Variants in SCN2A observed in about 807,000 individuals in gnomAD.
SCN2A encodes the protein sodium channel protein type 2 subunit alpha.
In SCN2A, 20 loss-of-function variants were observed where a neutral mutation model predicts 188.7. The observed-to-expected ratio is 0.11, with a 90% CI of 0.07 to 0.15. The LOEUF (loss-of-function observed/expected upper bound fraction) is 0.15, where lower values mean the gene tolerates loss of function less well. SCN2A is among the 10% of genes least tolerant of loss of function. The pLI, the probability that SCN2A is intolerant of heterozygous loss-of-function variation, is 1.00. For missense variants in SCN2A, 1,278 were observed against 2,445.0 expected (o/e 0.52, Z 10.07); for synonymous variants, 804 against 833.1 (o/e 0.97, Z 0.60).
rs1469322698 is a variant in SCN2A at position 165,388,829 on chromosome 2, G to A, written c.5023G>A (p.Ala1675Thr). 1.9e-6 allele frequency: 3 copies of A among 1,613,846 alleles called. No individual in the cohort carries two copies. The highest frequency in any genetic ancestry group is 2.7e-5 in the African/African-American group (2 of 74,860). ...LLLFLVMFIY[A>T]IFGMSNFAYV... is the part of the protein sequence containing the mutation. ...TCTTTTCCTGGTCATGTTCATCTAC[G>A]CCATCTTTGGGATGTCCAATTTTGC... The change falls in exon 27 of 27, where the codon GCC becomes ACC. Residue 1675 changes from alanine (A) to threonine (T), a missense_variant. Transcript: ENST00000375437.
At chr2:165,387,576 A>G (rs936880488) in intron 26 of SCN2A, among the ~76,000 whole-genome samples, 4 of 152,172 alleles carry the variant, frequency 2.6e-5, no homozygotes, top group South Asian at 4.1e-4. Context: ...CAGATTTGTT[A>G]TCATCAATGA....
intron 16 of SCN2A, among the ~76,000 whole-genome samples, chr2:165,349,900 G>C (rs1190425447): frequency 2.6e-5 from 4 of 152,162 alleles, no homozygotes; most frequent in African/African-American, 4.8e-5. Context: ...AAATGGGAAA[G>C]GTGTCCCAAA....
chr2:165,274,920 C>G (rs1357373741), intron 1 of SCN2A, among the ~76,000 whole-genome samples: 23 of 152,146 alleles, frequency 1.5e-4, no homozygotes, highest in Admixed American at 1.5e-3. Context: ...AGAGAGCTCC[C>G]CTTTATTTCT....
chr2:165,328,218 A>C (rs572157074), intron 13 of SCN2A: 1 of 152,714 alleles, frequency 6.5e-6, no homozygotes, highest in Admixed American at 6.5e-5. Flanking sequence ...ACGACTGTGT[A>C]CATCACAGAC....
intron 11 of SCN2A, among the ~76,000 whole-genome samples, chr2:165,322,041 C>G (rs1054098789): frequency 3.3e-5 from 5 of 152,100 alleles, no homozygotes; most frequent in Non-Finnish European, 7.4e-5. Flanking sequence ...CTGTGAGTAG[C>G]TTTAGGCATG....
In SCN2A at chr2:165,308,548, C is replaced by T. The variant is rs144905016; in HGVS notation, c.477-118C>T. The T allele has an allele frequency of 2.0e-3, 2,020 of 1,011,770 alleles. 8 individuals are homozygous for T. The highest frequency in any genetic ancestry group is 2.8e-3 in the Non-Finnish European group (1,827 of 656,056). The allele number at this position is 1,011,770 out of a possible 1,614,324, so 62.7% of individuals were successfully genotyped here. On this transcript the variant is annotated intron_variant, in intron 4 of 26. Transcript: ENST00000375437. ...CTTAAGCCCCACCTAAACTCTATAT[C>T]GTAGGGGGACCAACCTGGAAGTGTC...
intron 25 of SCN2A, among the ~76,000 whole-genome samples, chr2:165,383,661 A>T (rs73969395): frequency 6.6e-6 from 1 of 152,166 alleles, no homozygotes; most frequent in Non-Finnish European, 1.5e-5. Flanking sequence ...CCTGAACCAT[A>T]GCAATGTGCA....
chr2:165,368,268 A>G (rs1210189718), intron 19 of SCN2A, among the ~76,000 whole-genome samples: 7 of 152,014 alleles, frequency 4.6e-5, no homozygotes, highest in Non-Finnish European at 8.8e-5. Flanking sequence ...CTAATGTCCA[A>G]CTGTAGTCTC....
chr2:165,380,546 G>A (rs759464207), intron 23 of SCN2A, 46 bp from the exon 24 acceptor site: 2 of 1,417,860 alleles, frequency 1.4e-6, no homozygotes, highest in Non-Finnish European at 2.0e-6. Context: ...TACTTTTTGT[G>A]AAACAAGTAC....
At chr2:165,248,951 A>G (rs944894024) in intron 1 of SCN2A, among the ~76,000 whole-genome samples, 2 of 152,124 alleles carry the variant, frequency 1.3e-5, no homozygotes, top group Non-Finnish European at 1.5e-5. Flanking sequence ...CTGATTTTTC[A>G]TTCAGTATTT....
rs79139119 is a variant in SCN2A, at chr2:165,247,180, C to A, written c.-52+7540C>A. Among the ~76,000 whole-genome samples the A allele has an allele frequency of 9.6e-3, 1,466 of 152,258 alleles. 22 individuals carry two copies. Among genetic ancestry groups the A allele is most frequent in the African/African-American group, 0.033 (1,382 of 41,542 alleles). On this transcript the variant is annotated intron_variant, in intron 1 of 26. Transcript: ENST00000375437. ...AGGGCATCTCTAGAGCATTTTATTT[C>A]TCTGTCTCTCCTGCATTAGTAATTT...
intron 20 of SCN2A, 92 bp from the exon 21 acceptor site, chr2:165,373,133 C>G (rs142658371): frequency 7.2e-7 from 1 of 1,387,104 alleles, no homozygotes; most frequent in East Asian, 2.3e-5. Flanking sequence ...CATGAAAGTT[C>G]GAGAATTACT....
At chr2:165,307,359 T>C (rs1466196203) in intron 3 of SCN2A, among the ~76,000 whole-genome samples, 1 of 152,096 alleles carries the variant, frequency 6.6e-6, no homozygotes, top group Non-Finnish European at 1.5e-5. Flanking sequence ...TAGTTCAGGA[T>C]TTTATGAGCA....
At chr2:165,335,875 T>C (rs1164753367) in intron 14 of SCN2A, among the ~76,000 whole-genome samples, 6 of 151,814 alleles carry the variant, frequency 4.0e-5, no homozygotes, top group Non-Finnish European at 8.9e-5. Flanking sequence ...CTAATATATG[T>C]AAAGGATTAT....
chr2:165,307,724 T>A, intron 3 of SCN2A, 124 bp from the exon 4 acceptor site: 1 of 754,176 alleles, frequency 1.3e-6, no homozygotes, highest in East Asian at 2.5e-5. Flanking sequence ...GGGTCAATAA[T>A]AGAATAATAA....
At position 165,291,495 on chromosome 2, in the gene SCN2A, C is replaced by CTTTCTCT. The variant is rs1696165876; in HGVS notation, c.-51-4273_-51-4272insCTTTTCT. ...CTTTCTTTCTTTCTTTCTTTCTTTT[C>CTTTCTCT]TTTCTTTCTTTCTTTCTTCCTCTCC... is the stretch of plus-strand genomic sequence containing the variant. On this transcript the variant is annotated intron_variant, in intron 1 of 26. Transcript: ENST00000375437. Among the ~76,000 whole-genome samples, 3 of 44,324 alleles carry CTTTCTCT rather than the reference C, an allele frequency of 6.8e-5. 1 individual carries two copies. Among genetic ancestry groups the CTTTCTCT allele is most frequent in the Non-Finnish European group, 1.3e-4 (3 of 22,500 alleles). The allele number at this position is 44,324 out of a possible 152,430, so 29.1% of individuals were successfully genotyped here. A position where few individuals can be genotyped will look rare whatever the true frequency, so the allele number is the denominator to read the frequency against.
chr2:165,298,979 G>A (rs1696651001), intron 3 of SCN2A, among the ~76,000 whole-genome samples: 1 of 152,078 alleles, frequency 6.6e-6, no homozygotes, highest in Admixed American at 6.6e-5. Flanking sequence ...AATCTTTCTT[G>A]TCGTGCATCT....
intron 16 of SCN2A, among the ~76,000 whole-genome samples, chr2:165,352,253 C>T (rs1699960212): frequency 6.6e-6 from 1 of 151,710 alleles, no homozygotes; most frequent in Non-Finnish European, 1.5e-5. Context: ...TTGGTAAATT[C>T]CAGAGGCAAA....
chr2:165,385,886 T>C (rs1233159830), intron 25 of SCN2A, among the ~76,000 whole-genome samples: 1 of 152,158 alleles, frequency 6.6e-6, no homozygotes, highest in Non-Finnish European at 1.5e-5. Flanking sequence ...TCCCAACACA[T>C]GGGATAAAAA....
Sources: gnomAD v4.1 joint callset for allele counts (sites outside exome capture counted in the v4.1 genomes callset) on GRCh38, gnomAD v4.1.1 for gene constraint, MANE v1.5 for transcripts, NCBI Gene and HGNC (gene_info 2026-07-23, HGNC 2026-07-21) for gene names.